ZBTB25: variants seen among roughly 807,000 people sequenced by gnomAD.
The protein encoded by ZBTB25 is zinc finger and BTB domain-containing protein 25.
A neutral mutation model predicts 34.2 loss-of-function variants in ZBTB25; 20 were observed. The observed-to-expected ratio is 0.58, with a 90% CI of 0.41 to 0.85. The LOEUF (loss-of-function observed/expected upper bound fraction) is 0.85, where lower values mean the gene tolerates loss of function less well. Among genes scored for constraint, ZBTB25 ranks in the 40% least tolerant of loss-of-function variants. ZBTB25 has a pLI of 0.00. For synonymous variants in ZBTB25, 175 were observed against 186.4 expected (o/e 0.94, Z 0.50); for missense variants, 437 against 521.8 (o/e 0.84, Z 1.58).
chr14:64,459,955 G>A (rs2140995924), intron 2 of ZBTB25: 3 of 1,523,284 alleles, frequency 2.0e-6, no homozygotes, highest in Non-Finnish European at 8.8e-7. Context: ...AATCATGCAT[G>A]TCTGTTTACT....
intron 1 of ZBTB25, chr14:64,502,965 C>G (rs941645185): frequency 1.4e-5 from 14 of 985,316 alleles, no homozygotes; most frequent in African/African-American, 1.7e-5. Context: ...GAAAGAATGC[C>G]AAATTTAATC....
At chr14:64,489,328 C>T (rs2078992661) in intron 2 of ZBTB25, among the ~76,000 whole-genome samples, 1 of 151,766 alleles carries the variant, frequency 6.6e-6, no homozygotes, top group African/African-American at 2.4e-5. Flanking sequence ...CAAAAATTAA[C>T]AGCTTAGTGA....
In ZBTB25 at chr14:64,480,351, A is replaced by C. The variant is rs779967389; in HGVS notation, c.*6572T>G. On this transcript the variant is annotated 3_prime_UTR_variant, in exon 3 of 3. Coordinates refer to ENST00000608382, the MANE Select transcript of ZBTB25 (RefSeq NM_006977.5). Reference sequence around the variant, plus strand: ...AAAAAAAAAAAAAAAAAAAAAGAAGAAGCAAAGCAAGAAACTTCTGGGAAA... The same window carrying C: ...AAAAAAAAAAAAAAAAAAAAAGAAGCAGCAAAGCAAGAAACTTCTGGGAAA... 252 of 398,158 alleles carry C rather than the reference A, an allele frequency of 6.3e-4. No homozygotes were observed. Among genetic ancestry groups the C allele is most frequent in the Non-Finnish European group, 9.3e-4 (192 of 205,894 alleles). 24.7% of individuals were successfully genotyped at this position (398,158 alleles called of 1,614,324 possible).
Position 64,490,708 on chromosome 14 carries a change from C to A in ZBTB25, c.-7-168G>T, listed in dbSNP as rs1251514828. 1.5e-4 allele frequency among the ~76,000 whole-genome samples: 23 copies of A among 152,188 alleles called. 1 individual carries two copies. The highest frequency in any genetic ancestry group is 1.5e-3 in the Admixed American group (23 of 15,284). ...AATCCTATTACTTTCACTGCAAACA[C>A]GGCTAACACTAAATTCCTCCATTAT... On this transcript the variant is annotated intron_variant, in intron 1 of 2. Transcript: ENST00000608382.
chr14:64,496,595 A>G (rs2079286222), intron 1 of ZBTB25, among the ~76,000 whole-genome samples: 1 of 152,264 alleles, frequency 6.6e-6, no homozygotes, highest in African/African-American at 2.4e-5. Flanking sequence ...TATTTAAAAT[A>G]GCAATAAACC....
At chr14:64,492,990 G>C (rs2079139661) in intron 1 of ZBTB25, among the ~76,000 whole-genome samples, 1 of 151,948 alleles carries the variant, frequency 6.6e-6, no homozygotes, top group Non-Finnish European at 1.5e-5. Context: ...ATAAACACAG[G>C]CAACTTGATG....
At chr14:64,465,580 G>C (rs1050785730) in intron 2 of ZBTB25, 1 of 152,146 alleles carries the variant, frequency 6.6e-6, no homozygotes, top group African/African-American at 2.4e-5. Context: ...CGCCACCTCG[G>C]GAGCAGTGTT....
chr14:64,498,298 G>A (rs1383298248), intron 1 of ZBTB25, among the ~76,000 whole-genome samples: 1 of 151,768 alleles, frequency 6.6e-6, no homozygotes, highest in Non-Finnish European at 1.5e-5. Flanking sequence ...TAGGGGTGAG[G>A]CACAGATTCT....
intron 2 of ZBTB25, among the ~76,000 whole-genome samples, chr14:64,489,745 A>G (rs1176939772): frequency 6.6e-6 from 1 of 151,054 alleles, no homozygotes; most frequent in South Asian, 2.1e-4. Flanking sequence ...CATATTGGCC[A>G]GGCTGGTCTC....
chr14:64,459,972 A>G (rs1013463342), intron 2 of ZBTB25: 11 of 1,486,656 alleles, frequency 7.4e-6, no homozygotes, highest in Admixed American at 6.0e-5. Context: ...TACTTTAGTG[A>G]CGTTCCACAG....
chr14:64,456,971 C>T (rs61241503), intron 2 of ZBTB25, among the ~76,000 whole-genome samples: 5 of 152,222 alleles, frequency 3.3e-5, no homozygotes, highest in South Asian at 2.1e-4. Flanking sequence ...TAAAAATATA[C>T]GGAGTTTTCA....
At position 64,479,489 on chromosome 14, in the gene ZBTB25, T is replaced by C. The variant is rs562574925; in HGVS notation, c.*7434A>G. ...GGCCATGGGCTGCCCCAATAGTTAG[T>C]CAAACATTATTCTGGGTGTGTCCGT... is the stretch of plus-strand genomic sequence containing the variant. On this transcript the variant is annotated 3_prime_UTR_variant, in exon 3 of 3. Coordinates refer to ENST00000608382, the MANE Select transcript of ZBTB25 (RefSeq NM_006977.5). 6.6e-6 allele frequency: 1 copy of C among 152,352 alleles called. No individual in the cohort carries two copies. Among genetic ancestry groups the C allele is most frequent in the East Asian group, 1.9e-4 (1 of 5,184 alleles). The allele number at this position is 152,352 out of a possible 1,614,324, so 9.4% of individuals were successfully genotyped here.
intron 1 of ZBTB25, among the ~76,000 whole-genome samples, chr14:64,495,468 G>C (rs1187774237): frequency 6.6e-6 from 1 of 152,150 alleles, no homozygotes; most frequent in African/African-American, 2.4e-5. Context: ...TGATCACTGT[G>C]AGCTCTGTCC....
chr14:64,455,150 A>C, intron 2 of ZBTB25: 1 of 434,508 alleles, frequency 2.3e-6, no homozygotes, highest in Admixed American at 3.5e-5. Context: ...CTCTTCACTG[A>C]ATCTAGGATG....
Position 64,454,824 on chromosome 14 carries a change from C to T in ZBTB25, c.174-5186G>A, listed in dbSNP as rs763646367. ...CTACAGGCTTCATTCTGCCCATTCG[C>T]GACATCCGCGCCAGCGTTGGGGCTG... On this transcript the variant is annotated intron_variant, in intron 2 of 2. Coordinates refer to the ZBTB25 transcript ENST00000555220. The T allele has an allele frequency of 9.3e-6, 15 of 1,614,058 alleles. No homozygotes were observed. The highest frequency in any genetic ancestry group is 1.6e-4 in the Middle Eastern group (1 of 6,084).
chr14:64,503,061 G>T (rs955153515), intron 1 of ZBTB25: 1 of 985,378 alleles, frequency 1.0e-6, no homozygotes, highest in Non-Finnish European at 1.2e-6. Flanking sequence ...CGCTGCCTCC[G>T]CAACTGGTAA....
At chr14:64,490,569 T>C (rs764856084) in intron 1 of ZBTB25, 29 bp from the exon 2 acceptor site, 30 of 1,578,836 alleles carry the variant, frequency 1.9e-5, no homozygotes, top group Middle Eastern at 3.4e-4. Context: ...TAAATGTAGA[T>C]AGGTGTGTAT....
At chr14:64,456,183 T>TAAGGTGGAGAGAGACACAGCCTGC (rs2078470341) in intron 2 of ZBTB25, among the ~76,000 whole-genome samples, 2 of 151,320 alleles carry the variant, frequency 1.3e-5, no homozygotes, top group Non-Finnish European at 3.0e-5. Context: ...AGTCAGGCTG[T>TAAGGTGGAGAGAGACACAGCCTGC]AAGGTGGAGA....
At chr14:64,464,568 C>G (rs1456795472) in intron 2 of ZBTB25, among the ~76,000 whole-genome samples, 1 of 152,146 alleles carries the variant, frequency 6.6e-6, no homozygotes, top group Non-Finnish European at 1.5e-5. Flanking sequence ...AGGTCGTGAT[C>G]CTGTTGAAGA....
Sources: gnomAD v4.1 joint callset for allele counts (sites outside exome capture counted in the v4.1 genomes callset) on GRCh38, gnomAD v4.1.1 for gene constraint, MANE v1.5 for transcripts, NCBI Gene and HGNC (gene_info 2026-07-23, HGNC 2026-07-21) for gene names.